COL5A2: variants seen among roughly 807,000 people sequenced by gnomAD.
COL5A2 encodes collagen alpha-2(V) chain.
Under a neutral mutation model 208.2 loss-of-function variants are expected in COL5A2, and 23 were observed. The observed-to-expected ratio is 0.11, with a 90% CI of 0.08 to 0.16. The LOEUF (loss-of-function observed/expected upper bound fraction) is 0.16. COL5A2 is among the 10% of genes least tolerant of loss of function. The probability of loss-of-function intolerance (pLI) is 1.00; values close to 1 mark genes in which losing one functional copy is unlikely to be tolerated. For missense variants in COL5A2, 1,590 were observed against 1,956.4 expected, an observed-to-expected ratio of 0.81 and a Z score of 3.53; for synonymous variants, 625 against 628.5, an observed-to-expected ratio of 0.99 and a Z score of 0.08.
At chr2:189,290,321 G>C in the COL5A2 span, among the ~76,000 whole-genome samples, 4 of 152,110 alleles carry the variant, frequency 2.6e-5, no homozygotes, top group Non-Finnish European at 5.9e-5. Flanking sequence ...CCATCCTTAA[G>C]CAACATATGA....
chr2:189,054,020 T>G, intron 36 of COL5A2, 72 bp from the exon 37 acceptor site: 1 of 1,477,332 alleles, frequency 6.8e-7, no homozygotes, highest in Non-Finnish European at 9.5e-7. Context: ...TTGGTCACTG[T>G]GTAGGAGGAG....
intron 1 of COL5A2, among the ~76,000 whole-genome samples, chr2:189,135,353 A>G (rs910515713): frequency 6.6e-6 from 1 of 152,188 alleles, no homozygotes; most frequent in Admixed American, 6.5e-5. Context: ...ATTGCCACAC[A>G]GTCAGTTGTG....
At chr2:189,128,906 T>C (rs1182272190) in intron 1 of COL5A2, among the ~76,000 whole-genome samples, 1 of 152,012 alleles carries the variant, frequency 6.6e-6, no homozygotes, top group African/African-American at 2.4e-5. Context: ...ATCATAAACC[T>C]GAAATCTCTC....
At chr2:189,123,582 C>T (rs1387028762) in intron 1 of COL5A2, among the ~76,000 whole-genome samples, 2 of 152,124 alleles carry the variant, frequency 1.3e-5, no homozygotes, top group Non-Finnish European at 2.9e-5. Flanking sequence ...ACTTTGTTAT[C>T]AAGCACCCCT....
intron 1 of COL5A2, among the ~76,000 whole-genome samples, chr2:189,187,753 G>A (rs948964732): frequency 1.3e-5 from 2 of 152,036 alleles, no homozygotes; most frequent in African/African-American, 2.4e-5. Context: ...GGCAGATCAC[G>A]AGTCAGGAGA....
At chr2:189,337,284 G>A in the COL5A2 span, among the ~76,000 whole-genome samples, 19 of 148,932 alleles carry the variant, frequency 1.3e-4, no homozygotes, top group Admixed American at 1.1e-3. Flanking sequence ...CCGGGTTCAC[G>A]CCATTCTCCT....
At chr2:189,190,386 T>C (rs1311323343) in intron 1 of COL5A2, among the ~76,000 whole-genome samples, 1 of 152,192 alleles carries the variant, frequency 6.6e-6, no homozygotes, top group Non-Finnish European at 1.5e-5. Flanking sequence ...AATTTTGGAA[T>C]GAAAGGAATC....
the COL5A2 span, among the ~76,000 whole-genome samples, chr2:189,368,976 T>C: frequency 1.3e-5 from 2 of 152,190 alleles, no homozygotes; most frequent in African/African-American, 2.4e-5. Flanking sequence ...TCTACTACAA[T>C]ACAGTAAACA....
chr2:189,143,927 G>T (rs1687988114), intron 1 of COL5A2, among the ~76,000 whole-genome samples: 2 of 152,014 alleles, frequency 1.3e-5, no homozygotes, highest in South Asian at 4.1e-4. Context: ...ATATATAGCT[G>T]CAGAACTGGA....
chr2:189,388,492 T>C, the COL5A2 span, among the ~76,000 whole-genome samples: 4 of 152,108 alleles, frequency 2.6e-5, no homozygotes, highest in African/African-American at 9.7e-5. Flanking sequence ...GTTGGATAAG[T>C]GGGCAAGGAC....
the COL5A2 span, among the ~76,000 whole-genome samples, chr2:189,410,192 T>C: frequency 6.6e-6 from 1 of 152,174 alleles, no homozygotes; most frequent in Non-Finnish European, 1.5e-5. Flanking sequence ...CACTTTGAAA[T>C]CTGTTTTACT....
intron 1 of COL5A2, among the ~76,000 whole-genome samples, chr2:189,130,865 C>T (rs1004179835): frequency 6.6e-6 from 1 of 151,972 alleles, no homozygotes; most frequent in African/African-American, 2.4e-5. Flanking sequence ...TTATTGACTA[C>T]CTTCTATATC....
chr2:189,319,038 C>T, the COL5A2 span, among the ~76,000 whole-genome samples: 1 of 152,020 alleles, frequency 6.6e-6, no homozygotes, highest in Non-Finnish European at 1.5e-5. Context: ...ATAACAGCTG[C>T]CAGGGATGTC....
chr2:189,064,575 A>C lies in COL5A2; in HGVS notation c.1698T>G (p.Pro566=), dbSNP rs1483483512. 1.2e-6 allele frequency: 2 copies of C among 1,613,722 alleles called. No individual in the cohort carries two copies. Among genetic ancestry groups the C allele is most frequent in the Non-Finnish European group, 1.7e-6 (2 of 1,179,840 alleles). Residue 566 remains proline, a synonymous_variant, in exon 25 of 54, where the codon CCT becomes CCG. Transcript: ENST00000374866. ...TTCTTACCCGAGCACCTGGAAGCCC[A>C]GGTTCCCCTGGACGTCCTGGATCCC... ...SQGDPGRPGE[P]GLPGARGLTG... is the part of the protein sequence containing the mutation.
chr2:189,372,957 A>G, the COL5A2 span, among the ~76,000 whole-genome samples: 1 of 152,170 alleles, frequency 6.6e-6, no homozygotes, highest in Non-Finnish European at 1.5e-5. Context: ...TCCGAAGCTA[A>G]GACTGTTCCA....
At chr2:189,193,453 A>G (rs1173564312) in intron 1 of COL5A2, among the ~76,000 whole-genome samples, 2 of 152,240 alleles carry the variant, frequency 1.3e-5, no homozygotes, top group Non-Finnish European at 2.9e-5. Context: ...TTTCAAATAT[A>G]TAAACTATAA....
chr2:189,428,390 CAGGTGGATCATG>C, the COL5A2 span, among the ~76,000 whole-genome samples: 1 of 152,092 alleles, frequency 6.6e-6, no homozygotes, highest in Non-Finnish European at 1.5e-5. Context: ...GTGACCAAGG[CAGGTGGATCATG>C]AGGTCAGGAG....
the COL5A2 span, among the ~76,000 whole-genome samples, chr2:189,350,347 T>C: frequency 6.6e-6 from 1 of 152,150 alleles, no homozygotes; most frequent in Non-Finnish European, 1.5e-5. Context: ...GTTGTTTACA[T>C]AATACTAAAA....
intron 1 of COL5A2, 148 bp downstream of exon 1, chr2:189,179,360 C>G (rs1688740338): frequency 1.1e-5 from 9 of 843,068 alleles, no homozygotes; most frequent in Non-Finnish European, 1.8e-5. Context: ...AATTGTCTTT[C>G]AAGTCGTTTT....
Sources: allele counts gnomAD v4.1 joint callset (sites outside exome capture counted in the v4.1 genomes callset), GRCh38; gene constraint gnomAD v4.1.1; transcripts MANE v1.5; gene names NCBI Gene and HGNC (gene_info 2026-07-23, HGNC 2026-07-21).